AKAP3: variants seen among roughly 807,000 people sequenced by gnomAD.
The protein encoded by AKAP3 is A-kinase anchoring protein 3.
Under a neutral mutation model 57.2 loss-of-function variants are expected in AKAP3, and 27 were observed. That is an observed-to-expected ratio of 0.47 (90% confidence interval 0.35 to 0.65). The LOEUF (loss-of-function observed/expected upper bound fraction) is 0.65, where lower values mean the gene tolerates loss of function less well. AKAP3 is among the 30% of genes least tolerant of loss of function. AKAP3 has a pLI of 0.01. For synonymous variants in AKAP3, 334 were observed against 392.3 expected (o/e 0.85, Z 1.76); for missense variants, 959 against 1,040.0 (o/e 0.92, Z 1.07).
intron 5 of AKAP3, among the ~76,000 whole-genome samples, chr12:4,617,263 G>A (rs973996221): frequency 1.3e-5 from 2 of 152,134 alleles, no homozygotes; most frequent in South Asian, 4.1e-4. Flanking sequence ...GTCAAGTAAA[G>A]ACATTGTCAG....
Position 4,624,758 on chromosome 12 carries a change from TAGAG to T in AKAP3, c.2406+1734_2406+1737del, listed in dbSNP as rs1295982483. ...TGCTGCTTCTCATTCCTTCTACTCT[TAGAG>T]GGAGTCAATAAAATAGATGACTGGC... is the stretch of plus-strand genomic sequence containing the variant. On this transcript the variant is annotated intron_variant, in intron 5 of 5. Coordinates refer to ENST00000228850, the MANE Select transcript of AKAP3 (RefSeq NM_001278309.2). Among the ~76,000 whole-genome samples, 6 of 150,058 alleles carry T rather than the reference TAGAG, an allele frequency of 4.0e-5. No homozygotes were observed. In the East Asian group the frequency reaches 1.0e-3, roughly 25 times the overall value.
chr12:4,644,225 T>C (rs1945671263), intron 2 of AKAP3, among the ~76,000 whole-genome samples: 1 of 152,210 alleles, frequency 6.6e-6, no homozygotes, highest in Admixed American at 6.5e-5. Context: ...CCTGTTAGTA[T>C]AGATACTTTC....
At chr12:4,617,795 A>T (rs1041016996) in intron 5 of AKAP3, among the ~76,000 whole-genome samples, 1 of 152,096 alleles carries the variant, frequency 6.6e-6, no homozygotes, top group Non-Finnish European at 1.5e-5. Flanking sequence ...AGCAAAAGTA[A>T]CATTGAGGGC....
intron 5 of AKAP3, among the ~76,000 whole-genome samples, chr12:4,622,295 G>C (rs1945356175): frequency 6.6e-6 from 1 of 151,990 alleles, no homozygotes; most frequent in South Asian, 2.1e-4. Flanking sequence ...AATTCATATG[G>C]AACCAAAAAA....
chr12:4,635,584 A>G (rs1159818686), intron 4 of AKAP3: 1 of 717,970 alleles, frequency 1.4e-6, no homozygotes. Context: ...TTGCTAGGTC[A>G]GCCTTGTTTC....
At chr12:4,617,675 C>T (rs10774248) in intron 5 of AKAP3, among the ~76,000 whole-genome samples, 15,427 of 151,014 alleles carry the variant, frequency 0.1, 865 homozygotes, top group South Asian at 0.15. Flanking sequence ...TTGCTTGAAC[C>T]CAGGAGGCTG....
chr12:4,636,066 A>G, intron 4 of AKAP3: 3 of 1,439,846 alleles, frequency 2.1e-6, no homozygotes, highest in Non-Finnish European at 2.9e-6. Context: ...TTGATTTGCC[A>G]ACAGCAGACT....
At chr12:4,638,264 T>C in intron 3 of AKAP3, 68 bp from the exon 4 acceptor site, 3 of 1,139,988 alleles carry the variant, frequency 2.6e-6, no homozygotes, top group African/African-American at 1.5e-5. Flanking sequence ...TAAGAAGAAA[T>C]GTGGTAAAGG....
intron 4 of AKAP3, among the ~76,000 whole-genome samples, chr12:4,637,516 T>G (rs1171019956): frequency 2.0e-5 from 3 of 152,216 alleles, no homozygotes; most frequent in African/African-American, 7.2e-5. Context: ...TCCTCTTTTA[T>G]GCCTTTTAGT....
At chr12:4,632,107 G>C (rs1295214887) in intron 4 of AKAP3, among the ~76,000 whole-genome samples, 1 of 152,190 alleles carries the variant, frequency 6.6e-6, no homozygotes, top group African/African-American at 2.4e-5. Flanking sequence ...GTATTACATT[G>C]AGTTAATGCA....
In AKAP3 at chr12:4,638,152, G is replaced by A; in HGVS notation, c.45C>T (p.Cys15=). ...VDWLQSQNGV[C]KVDVYSPGDN... The stretch of plus-strand genomic sequence containing the variant: ...CTCCAGGAGAATAGACATCAACTTT[G>A]CATACTCCATTTTGGCTTTGTAACC... The change falls in exon 4 of 6, where the codon TGC becomes TGT. Residue 15 remains cysteine (C), a synonymous_variant. Transcript: ENST00000228850. 1 of 1,613,494 alleles carries A rather than the reference G, an allele frequency of 6.2e-7. No homozygotes were observed. The highest frequency in any genetic ancestry group is 8.5e-7 in the Non-Finnish European group (1 of 1,179,828).
At chr12:4,619,884 C>T (rs1309273394) in intron 5 of AKAP3, among the ~76,000 whole-genome samples, 1 of 152,120 alleles carries the variant, frequency 6.6e-6, no homozygotes, top group East Asian at 1.9e-4. Flanking sequence ...CCACAAAAAC[C>T]TTACACTAAG....
At chr12:4,634,907 A>C (rs1393019958) in intron 4 of AKAP3, among the ~76,000 whole-genome samples, 2 of 152,182 alleles carry the variant, frequency 1.3e-5, no homozygotes, top group Non-Finnish European at 2.9e-5. Flanking sequence ...CCTGAATACT[A>C]TGGCTAAGCA....
At chr12:4,635,163 G>A (rs1447349204) in intron 4 of AKAP3, among the ~76,000 whole-genome samples, 1 of 152,082 alleles carries the variant, frequency 6.6e-6, no homozygotes, top group Non-Finnish European at 1.5e-5. Flanking sequence ...ATTAGTAAGA[G>A]GGACCCATGC....
chr12:4,636,985 A>T (rs1945574795), intron 4 of AKAP3, among the ~76,000 whole-genome samples: 1 of 152,132 alleles, frequency 6.6e-6, no homozygotes, highest in South Asian at 2.1e-4. Flanking sequence ...GGCTCAAGCA[A>T]TCCTCCCACC....
intron 5 of AKAP3, among the ~76,000 whole-genome samples, chr12:4,624,063 T>C (rs1945378251): frequency 6.6e-6 from 1 of 152,148 alleles, no homozygotes; most frequent in Non-Finnish European, 1.5e-5. Flanking sequence ...CACATGTGAA[T>C]ACATTTGAAT....
At chr12:4,617,394 G>A (rs1040944948) in intron 5 of AKAP3, among the ~76,000 whole-genome samples, 4 of 152,228 alleles carry the variant, frequency 2.6e-5, no homozygotes, top group African/African-American at 7.2e-5. Context: ...AAGAATGAAT[G>A]AAGAGCAACA....
intron 5 of AKAP3, among the ~76,000 whole-genome samples, chr12:4,620,693 A>G (rs1463914635): frequency 2.6e-5 from 4 of 152,126 alleles, no homozygotes; most frequent in Non-Finnish European, 5.9e-5. Context: ...TAGTGATATC[A>G]TAGTTATCGT....
chr12:4,620,373 A>G lies in AKAP3; in HGVS notation c.2407-4479T>C, dbSNP rs1428155354. Among the ~76,000 whole-genome samples, 4 of 146,074 alleles carry G rather than the reference A, an allele frequency of 2.7e-5. No homozygotes were observed. The East Asian group carries it at 8.6e-4, about 31-fold the overall frequency. The stretch of plus-strand genomic sequence containing the variant: ...GCACCTGTAATCCCAGCTACTTGGG[A>G]GGCTGAGACAGGAGAATCGCTTGAA... On this transcript the variant is annotated intron_variant, in intron 5 of 5. Coordinates refer to ENST00000228850, the MANE Select transcript of AKAP3 (RefSeq NM_001278309.2).
Sources: gnomAD v4.1 joint callset for allele counts (sites outside exome capture counted in the v4.1 genomes callset) on GRCh38, gnomAD v4.1.1 for gene constraint, MANE v1.5 for transcripts, NCBI Gene and HGNC (gene_info 2026-07-23, HGNC 2026-07-21) for gene names.